SMOC2: variants seen among roughly 807,000 people sequenced by gnomAD.
The protein encoded by SMOC2 is SPARC related modular calcium binding 2, also known as SPARC-related modular calcium-binding protein 2.
Under a neutral mutation model 61.4 loss-of-function variants are expected in SMOC2, and 39 were observed. The observed-to-expected ratio is 0.64, with a 90% CI of 0.49 to 0.83. The LOEUF (loss-of-function observed/expected upper bound fraction) is 0.83. Among genes scored for constraint, SMOC2 ranks in the 40% least tolerant of loss-of-function variants. SMOC2 has a pLI of 0.00. For missense variants in SMOC2, 556 were observed against 592.9 expected, an observed-to-expected ratio of 0.94 and a Z score of 0.65; for synonymous variants, 247 against 239.9, an observed-to-expected ratio of 1.03 and a Z score of -0.27.
chr6:168,631,416 G>T (rs1020629757), intron 9 of SMOC2, among the ~76,000 whole-genome samples: 4 of 152,224 alleles, frequency 2.6e-5, no homozygotes, highest in African/African-American at 7.2e-5. Flanking sequence ...GACAGGAAAG[G>T]TTCGGCTCTG....
At chr6:168,566,112 T>C (rs1279146555) in intron 7 of SMOC2, among the ~76,000 whole-genome samples, 2 of 152,202 alleles carry the variant, frequency 1.3e-5, no homozygotes, top group South Asian at 4.1e-4. Flanking sequence ...TCCACGTCTT[T>C]TACGAAGCTA....
intron 11 of SMOC2, among the ~76,000 whole-genome samples, chr6:168,658,814 T>A (rs1348701664): frequency 7.2e-5 from 11 of 152,144 alleles, no homozygotes; most frequent in Non-Finnish European, 1.6e-4. Flanking sequence ...TAAGTCACCC[T>A]TCCAGAGGAA....
At chr6:168,523,044 A>C (rs1381132676) in intron 2 of SMOC2, among the ~76,000 whole-genome samples, 1 of 143,870 alleles carries the variant, frequency 7.0e-6, no homozygotes, top group African/African-American at 2.5e-5. Context: ...AATGGATAAG[A>C]TGGTAAATTT....
At chr6:168,483,971 C>T (rs1782271387) in intron 1 of SMOC2, among the ~76,000 whole-genome samples, 1 of 152,126 alleles carries the variant, frequency 6.6e-6, no homozygotes, top group African/African-American at 2.4e-5. Flanking sequence ...AAGGTAAGAC[C>T]TAAAACTGTG....
intron 2 of SMOC2, among the ~76,000 whole-genome samples, chr6:168,510,507 TAA>T (rs1194044117): frequency 1.3e-5 from 2 of 152,324 alleles, no homozygotes; most frequent in Non-Finnish European, 2.9e-5. Flanking sequence ...GATTCAGAGT[TAA>T]GAGTCTAATG....
At chr6:168,477,288 G>A (rs1782110058) in intron 1 of SMOC2, among the ~76,000 whole-genome samples, 2 of 152,158 alleles carry the variant, frequency 1.3e-5, no homozygotes, top group Admixed American at 6.5e-5. Flanking sequence ...ATCAGCAACC[G>A]CAACCTCATG....
In SMOC2 at chr6:168,522,811, A is replaced by G. The variant is rs972338022; in HGVS notation, c.257-3535A>G. On this transcript the variant is annotated intron_variant, in intron 2 of 12. Coordinates refer to ENST00000356284, the MANE Select transcript of SMOC2 (RefSeq NM_001166412.2). ...AGTGGAGGAAGCCAGGCACAGAAGG[A>G]TACCTCGTGTGTGATTGCATTGATA... 2.6e-5 allele frequency among the ~76,000 whole-genome samples: 4 copies of G among 152,206 alleles called. No homozygotes were observed. The East Asian group carries it at 7.7e-4, about 29-fold the overall frequency.
chr6:168,618,002 G>A (rs551769769), intron 9 of SMOC2, among the ~76,000 whole-genome samples: 2 of 152,188 alleles, frequency 1.3e-5, no homozygotes, highest in Admixed American at 6.5e-5. Context: ...GTCTGCCAGG[G>A]ATAAAATAAT....
At chr6:168,659,494 T>G (rs1787419744) in intron 11 of SMOC2, among the ~76,000 whole-genome samples, 1 of 152,072 alleles carries the variant, frequency 6.6e-6, no homozygotes, top group South Asian at 2.1e-4. Context: ...GTGGAAGTTA[T>G]AGTATTGGTG....
At chr6:168,566,573 C>G (rs929411296) in intron 7 of SMOC2, among the ~76,000 whole-genome samples, 9 of 147,752 alleles carry the variant, frequency 6.1e-5, no homozygotes, top group African/African-American at 2.3e-4. Flanking sequence ...ACCGCCACCT[C>G]CCAGGTTCAA....
At chr6:168,587,039 ACTTAAT>A (rs879663304) in intron 7 of SMOC2, among the ~76,000 whole-genome samples, 193 of 152,338 alleles carry the variant, frequency 1.3e-3, no homozygotes, top group African/African-American at 4.3e-3. Flanking sequence ...TTATTGAAGT[ACTTAAT>A]CTTAATAAAA....
intron 9 of SMOC2, among the ~76,000 whole-genome samples, chr6:168,633,195 T>G (rs1786615776): frequency 2.6e-5 from 4 of 152,256 alleles, no homozygotes. Context: ...AAATTTGGTG[T>G]ATTCAGATAA....
chr6:168,493,527 G>A (rs549865757), intron 1 of SMOC2, among the ~76,000 whole-genome samples: 3 of 152,310 alleles, frequency 2.0e-5, no homozygotes, highest in Admixed American at 2.0e-4. Context: ...TTCCAGAAGC[G>A]AAGGAAAACT....
rs1433902200 is a variant in SMOC2 at position 168,544,538 on chromosome 6, T to C, written c.511+866T>C. Among the ~76,000 whole-genome samples the C allele has an allele frequency of 6.6e-6, 1 of 152,040 alleles. No homozygotes were observed. The highest frequency in any genetic ancestry group is 1.5e-5 in the Non-Finnish European group (1 of 68,010). On this transcript the variant is annotated intron_variant, in intron 5 of 12. Coordinates refer to ENST00000356284, the MANE Select transcript of SMOC2 (RefSeq NM_001166412.2). This position sits in a 1 kb window ranked among gnomAD's most constrained non-coding sequence, Gnocchi z 4.1. ...AAAGACAAAAATTAACCAGGCATGGTGGTGCATGCCTGTAATCCCAGGTAG... is the reference window on the plus strand; with the variant it reads ...AAAGACAAAAATTAACCAGGCATGGCGGTGCATGCCTGTAATCCCAGGTAG...
At chr6:168,607,869 T>TCCAACCCTGCAACGGGTGGAGGG (rs1440562829) in intron 8 of SMOC2, among the ~76,000 whole-genome samples, 1 of 56,676 alleles carries the variant, frequency 1.8e-5, no homozygotes, top group Non-Finnish European at 3.9e-5. Flanking sequence ...TGTGGGTGCT[T>TCCAACCCTGCAACGGGTGGAGGG]GGCAGCTGCT....
chr6:168,494,817 C>G (rs900815498), intron 1 of SMOC2, among the ~76,000 whole-genome samples: 26 of 152,216 alleles, frequency 1.7e-4, no homozygotes, highest in Admixed American at 5.9e-4. Flanking sequence ...GCGGGCACCA[C>G]TTCGCTCCCA....
Position 168,452,179 on chromosome 6 carries a change from AATTGGCTC to A in SMOC2, c.84+10728_84+10735del, listed in dbSNP as rs1416280806. 3.9e-5 allele frequency among the ~76,000 whole-genome samples: 6 copies of A among 152,228 alleles called. No homozygotes were observed. The highest frequency in any genetic ancestry group is 8.8e-5 in the Non-Finnish European group (6 of 68,050). On this transcript the variant is annotated intron_variant, in intron 1 of 12. Coordinates refer to ENST00000356284, the MANE Select transcript of SMOC2 (RefSeq NM_001166412.2). This position sits in a 1 kb window ranked among gnomAD's most constrained non-coding sequence, Gnocchi z 5.0. ...TGAGTTCAACTTTCCAGCTTTAAAG[AATTGGCTC>A]ATGATGCAGAATGCTAAATTAGGGA...
At chr6:168,512,201 C>T (rs186989740) in intron 2 of SMOC2, among the ~76,000 whole-genome samples, 3 of 152,156 alleles carry the variant, frequency 2.0e-5, no homozygotes, top group African/African-American at 4.8e-5. Context: ...TGCTGGATCC[C>T]GGAATTTGCA....
At chr6:168,538,987 G>A (rs775115061) in intron 4 of SMOC2, among the ~76,000 whole-genome samples, 3 of 152,056 alleles carry the variant, frequency 2.0e-5, no homozygotes, top group African/African-American at 4.8e-5. Flanking sequence ...GTTCAGGGAC[G>A]CCGGCAGTCA....
Sources: allele counts gnomAD v4.1 joint callset (sites outside exome capture counted in the v4.1 genomes callset), GRCh38; gene constraint gnomAD v4.1.1; non-coding constraint Gnocchi (gnomAD v3.1); transcripts MANE v1.5; gene names NCBI Gene and HGNC (gene_info 2026-07-23, HGNC 2026-07-21).